The following HMBOX1 variants were observed in gnomAD, a reference collection of about 807,000 sequenced individuals.
The protein encoded by HMBOX1 is homeobox-containing protein 1.
In HMBOX1, 14 loss-of-function variants were observed where a neutral mutation model predicts 54.5. The observed-to-expected ratio is 0.26, with a 90% CI of 0.17 to 0.40. The LOEUF (loss-of-function observed/expected upper bound fraction) is 0.40. Among genes scored for constraint, HMBOX1 ranks in the 10% least tolerant of loss-of-function variants. The pLI, the probability that HMBOX1 is intolerant of heterozygous loss-of-function variation, is 1.00. For synonymous variants in HMBOX1, 160 were observed against 181.0 expected, an observed-to-expected ratio of 0.88 and a Z score of 0.93; for missense variants, 332 against 514.4, an observed-to-expected ratio of 0.65 and a Z score of 3.43.
At chr8:28,911,617 A>T (rs560170398) in intron 1 of HMBOX1, among the ~76,000 whole-genome samples, 1 of 152,060 alleles carries the variant, frequency 6.6e-6, no homozygotes, top group Non-Finnish European at 1.5e-5. Context: ...CGGCCTCCCA[A>T]AATGCTGGGA....
intron 1 of HMBOX1, among the ~76,000 whole-genome samples, chr8:28,947,644 T>C (rs1164196630): frequency 2.0e-5 from 3 of 152,240 alleles, no homozygotes; most frequent in African/African-American, 7.2e-5. Flanking sequence ...CAATTCATGC[T>C]AAATCTCTTG....
At chr8:29,040,599 C>G (rs1804672279) in intron 6 of HMBOX1, among the ~76,000 whole-genome samples, 1 of 152,130 alleles carries the variant, frequency 6.6e-6, no homozygotes, top group Non-Finnish European at 1.5e-5. Context: ...ACACCTCCAG[C>G]TAGAGTAGCA....
intron 4 of HMBOX1, among the ~76,000 whole-genome samples, chr8:29,004,772 G>A (rs1259873408): frequency 1.3e-5 from 2 of 152,154 alleles, no homozygotes; most frequent in East Asian, 1.9e-4. Context: ...GCAGTGGGAA[G>A]TAGGGGGAAA....
intron 6 of HMBOX1, among the ~76,000 whole-genome samples, chr8:29,035,302 A>G (rs1803678515): frequency 6.6e-6 from 1 of 152,188 alleles, no homozygotes; most frequent in Non-Finnish European, 1.5e-5. Context: ...TCCATGTTAT[A>G]ATAATTATTG....
intron 1 of HMBOX1, among the ~76,000 whole-genome samples, chr8:28,917,082 AAAAG>A (rs1816707769): frequency 1.3e-5 from 2 of 151,930 alleles, no homozygotes; most frequent in South Asian, 2.1e-4. Context: ...AAAAAAAAAA[AAAAG>A]AATTACCTTG....
chr8:28,936,044 G>A (rs986322501), intron 1 of HMBOX1, among the ~76,000 whole-genome samples: 6 of 152,026 alleles, frequency 3.9e-5, no homozygotes, highest in African/African-American at 9.7e-5. Flanking sequence ...CTTATTTAAT[G>A]TATCATCATC....
chr8:29,042,783 A>C, intron 6 of HMBOX1: 1 of 446,072 alleles, frequency 2.2e-6, no homozygotes, highest in East Asian at 7.0e-5. Context: ...CTGATTTCGC[A>C]TGCCATGGAG....
chr8:29,049,619 C>T (rs2133397893), intron 9 of HMBOX1: 1 of 479,050 alleles, frequency 2.1e-6, no homozygotes, highest in Middle Eastern at 5.6e-4. Context: ...GACTCTTCAC[C>T]TCGCCCTGAT....
At chr8:29,016,766 T>C (rs1835078826) in intron 5 of HMBOX1, among the ~76,000 whole-genome samples, 1 of 152,232 alleles carries the variant, frequency 6.6e-6, no homozygotes, top group Non-Finnish European at 1.5e-5. Flanking sequence ...GGCCTCACCA[T>C]CCACTGCCTG....
At chr8:29,047,545 C>A in intron 8 of HMBOX1, 92 bp downstream of exon 8, 7 of 573,102 alleles carry the variant, frequency 1.2e-5, no homozygotes, top group Non-Finnish European at 2.2e-5. Context: ...AACTGCAAGT[C>A]TAAAGGATCC....
rs531483520 is a variant in HMBOX1 at position 29,042,753 on chromosome 8, G to C, written c.852-2608G>C. ...AAGGACAGAAAAGCTAAACAATCTAGTTTCTCCTAAGGGAAGTTGCTGATT... is the reference window on the plus strand; with the variant it reads ...AAGGACAGAAAAGCTAAACAATCTACTTTCTCCTAAGGGAAGTTGCTGATT... On this transcript the variant is annotated intron_variant, in intron 6 of 9. Transcript: ENST00000287701. The C allele has an allele frequency of 6.8e-4, 311 of 454,666 alleles. 2 individuals are homozygous for C. The highest frequency in any genetic ancestry group is 3.9e-3 in the South Asian group (250 of 64,322). The allele number at this position is 454,666 out of a possible 1,614,324, so 28.2% of individuals were successfully genotyped here. A position where few individuals can be genotyped will look rare whatever the true frequency, so the allele number is the denominator to read the frequency against.
At chr8:28,977,877 G>A (rs544771165) in intron 3 of HMBOX1, among the ~76,000 whole-genome samples, 9 of 151,624 alleles carry the variant, frequency 5.9e-5, no homozygotes, top group Non-Finnish European at 5.9e-5. Flanking sequence ...CCGGGAGGCG[G>A]AGCTTGCAGT....
At chr8:28,919,428 T>C (rs180892425) in intron 1 of HMBOX1, among the ~76,000 whole-genome samples, 106 of 152,386 alleles carry the variant, frequency 7.0e-4, no homozygotes, top group African/African-American at 2.3e-3. Flanking sequence ...TCTTCCCTTA[T>C]ATTTTCTGGA....
intron 4 of HMBOX1, among the ~76,000 whole-genome samples, chr8:29,005,341 A>G (rs971396953): frequency 3.9e-5 from 6 of 152,228 alleles, no homozygotes; most frequent in Non-Finnish European, 7.3e-5. Flanking sequence ...GAAGATTAAG[A>G]AAACAATATA....
At chr8:29,009,528 T>C (rs1238448226) in intron 5 of HMBOX1, 12 of 752,368 alleles carry the variant, frequency 1.6e-5, no homozygotes, top group Non-Finnish European at 1.9e-5. Context: ...TATCTCTTTT[T>C]TTTTTTTTTT....
At chr8:28,933,311 G>A (rs1213875088) in intron 1 of HMBOX1, among the ~76,000 whole-genome samples, 4 of 152,226 alleles carry the variant, frequency 2.6e-5, no homozygotes, top group Non-Finnish European at 5.9e-5. Context: ...GGCTTCTCAA[G>A]TTCAGTTCCC....
intron 3 of HMBOX1, among the ~76,000 whole-genome samples, chr8:28,972,080 CA>C (rs1439839932): frequency 2.0e-5 from 3 of 152,136 alleles, no homozygotes; most frequent in African/African-American, 7.2e-5. Context: ...TTTTTAGGTG[CA>C]ACTTTATTAT....
chr8:28,903,657 GTCTT>G (rs754594492), intron 1 of HMBOX1, among the ~76,000 whole-genome samples: 15 of 152,064 alleles, frequency 9.9e-5, no homozygotes, highest in African/African-American at 3.1e-4. Context: ...ATTATTTTTT[GTCTT>G]TCTTCCTGTT....
chr8:28,976,956 G>A (rs573598172), intron 3 of HMBOX1, among the ~76,000 whole-genome samples: 85 of 152,122 alleles, frequency 5.6e-4, no homozygotes, highest in Non-Finnish European at 1.1e-3. Context: ...TGATCCGCCC[G>A]CCTCAGCCTC....
Sources: gnomAD v4.1 joint callset for allele counts (sites outside exome capture counted in the v4.1 genomes callset) on GRCh38, gnomAD v4.1.1 for gene constraint, MANE v1.5 for transcripts, NCBI Gene and HGNC (gene_info 2026-07-23, HGNC 2026-07-21) for gene names.